The following DACH1 variants were observed in gnomAD, a reference collection of about 807,000 sequenced individuals.
DACH1 encodes dachshund family transcription factor 1.
DACH1 carries 12 observed loss-of-function variants against 54.2 expected under a neutral mutation model. The observed-to-expected ratio is 0.22, with a 90% CI of 0.14 to 0.36. The LOEUF (loss-of-function observed/expected upper bound fraction) is 0.36, where lower values mean the gene tolerates loss of function less well. DACH1 is among the 10% of genes least tolerant of loss of function. The pLI is 1.00. For synonymous variants in DACH1, 386 were observed against 366.2 expected, an observed-to-expected ratio of 1.05 and a Z score of -0.62; for missense variants, 805 against 929.8, an observed-to-expected ratio of 0.87 and a Z score of 1.75.
intron 10 of DACH1, among the ~76,000 whole-genome samples, chr13:71,451,335 G>GAA (rs1875035737): frequency 6.6e-6 from 1 of 152,128 alleles, no homozygotes; most frequent in Non-Finnish European, 1.5e-5. Flanking sequence ...AGAAATTTCT[G>GAA]AAAGACTGGC....
At chr13:71,605,077 T>C (rs1874776758) in intron 3 of DACH1, among the ~76,000 whole-genome samples, 1 of 151,936 alleles carries the variant, frequency 6.6e-6, no homozygotes, top group South Asian at 2.1e-4. Context: ...ATGCATTATA[T>C]TAAAATATTT....
chr13:71,469,371 G>A (rs1414531645), intron 10 of DACH1, among the ~76,000 whole-genome samples: 1 of 151,874 alleles, frequency 6.6e-6, no homozygotes, highest in African/African-American at 2.4e-5. Context: ...AAAAAAGCTT[G>A]CTCAAAGATG....
intron 3 of DACH1, among the ~76,000 whole-genome samples, chr13:71,576,073 A>AC (rs35096043): frequency 0.071 from 7,221 of 101,620 alleles, 567 homozygotes; most frequent in African/African-American, 0.29. Flanking sequence ...CACTATGCTT[A>AC]ACACACAAAC....
intron 1 of DACH1, among the ~76,000 whole-genome samples, chr13:71,813,036 C>T (rs1363593787): frequency 6.6e-6 from 1 of 152,124 alleles, no homozygotes; most frequent in Admixed American, 6.6e-5. Context: ...ATGGCTTATA[C>T]TAAAATCTTT....
At chr13:71,539,007 TTTTA>T (rs1403639359) in intron 6 of DACH1, among the ~76,000 whole-genome samples, 4 of 152,078 alleles carry the variant, frequency 2.6e-5, no homozygotes, top group African/African-American at 9.7e-5. Flanking sequence ...GTTCCTTATA[TTTTA>T]TTTTTTTAAT....
intron 6 of DACH1, among the ~76,000 whole-genome samples, chr13:71,540,933 A>C (rs978539959): frequency 5.9e-5 from 9 of 151,946 alleles, no homozygotes; most frequent in Admixed American, 1.3e-4. Context: ...CCTTTCCTTA[A>C]CACATATACT....
chr13:71,822,306 CA>C (rs1249723614), intron 1 of DACH1, among the ~76,000 whole-genome samples: 2 of 152,100 alleles, frequency 1.3e-5, no homozygotes, highest in Non-Finnish European at 2.9e-5. Context: ...TAAGATCTTG[CA>C]AAATATTACA....
chr13:71,814,786 T>A (rs1475965840), intron 1 of DACH1, among the ~76,000 whole-genome samples: 2 of 152,252 alleles, frequency 1.3e-5, no homozygotes, highest in African/African-American at 4.8e-5. Context: ...GTCACATTAC[T>A]TGAAGAAATC....
At chr13:71,477,107 T>TA in intron 8 of DACH1, among the ~76,000 whole-genome samples, 1 of 23,880 alleles carries the variant, frequency 4.2e-5, no homozygotes, top group Non-Finnish European at 1.1e-4. Context: ...TATATATATT[T>TA]TTTTTTTTTT....
intron 8 of DACH1, among the ~76,000 whole-genome samples, chr13:71,478,009 C>T (rs1363463029): frequency 6.6e-6 from 1 of 152,174 alleles, no homozygotes; most frequent in Non-Finnish European, 1.5e-5. Context: ...TTCTGAAGGT[C>T]TCTCCAGTAA....
chr13:71,597,367 A>T (rs1372874255), intron 3 of DACH1, among the ~76,000 whole-genome samples: 1 of 152,196 alleles, frequency 6.6e-6, no homozygotes, highest in African/African-American at 2.4e-5. Flanking sequence ...AGTATACATA[A>T]TTTTTTTAAA....
chr13:71,633,578 C>A (rs1412841540), intron 2 of DACH1, among the ~76,000 whole-genome samples: 2 of 150,970 alleles, frequency 1.3e-5, no homozygotes, highest in Non-Finnish European at 2.9e-5. Context: ...AATACAAAGT[C>A]CAAAAGATAT....
At chr13:71,652,986 C>A (rs1367038544) in intron 2 of DACH1, among the ~76,000 whole-genome samples, 2 of 152,104 alleles carry the variant, frequency 1.3e-5, no homozygotes, top group African/African-American at 4.8e-5. Context: ...TGAGTCCTCC[C>A]AACTCGAGAT....
At chr13:71,654,478 A>G (rs866746055) in intron 2 of DACH1, among the ~76,000 whole-genome samples, 38 of 139,038 alleles carry the variant, frequency 2.7e-4, no homozygotes, top group African/African-American at 4.8e-4. Context: ...ATAAAATAAA[A>G]TAAAATAAAA....
chr13:71,718,016 G>A (rs1389406612), intron 1 of DACH1, among the ~76,000 whole-genome samples: 5 of 151,940 alleles, frequency 3.3e-5, no homozygotes, highest in African/African-American at 4.8e-5. Context: ...GTAGAATCAC[G>A]TGTCCCAGTG....
chr13:71,709,454 C>A (rs897118905), intron 1 of DACH1, among the ~76,000 whole-genome samples: 1 of 151,958 alleles, frequency 6.6e-6, no homozygotes, highest in African/African-American at 2.4e-5. Context: ...CCCACCGAGA[C>A]GTGAATTGTC....
intron 6 of DACH1, among the ~76,000 whole-genome samples, chr13:71,494,824 T>C (rs1879269540): frequency 6.6e-6 from 1 of 152,076 alleles, no homozygotes; most frequent in Non-Finnish European, 1.5e-5. Context: ...AGAAAATGTT[T>C]AAAAATTAAG....
chr13:71,725,037 A>G (rs1035270722), intron 1 of DACH1, among the ~76,000 whole-genome samples: 6 of 152,124 alleles, frequency 3.9e-5, no homozygotes, highest in Admixed American at 3.9e-4. Flanking sequence ...CGGACTTTAC[A>G]TGTGGATTAT....
intron 1 of DACH1, among the ~76,000 whole-genome samples, chr13:71,730,177 G>A (rs1053544886): frequency 1.3e-5 from 2 of 151,638 alleles, no homozygotes; most frequent in African/African-American, 4.9e-5. Flanking sequence ...TTGTGCACAT[G>A]TACCCTAAAA....
Sources: gnomAD v4.1 joint callset for allele counts (sites outside exome capture counted in the v4.1 genomes callset) on GRCh38, gnomAD v4.1.1 for gene constraint, MANE v1.5 for transcripts, NCBI Gene and HGNC (gene_info 2026-07-23, HGNC 2026-07-21) for gene names.